Variants in SGCZ observed in about 807,000 individuals in gnomAD.
The protein encoded by SGCZ is zeta-sarcoglycan.
A neutral mutation model predicts 41.3 loss-of-function variants in SGCZ; 40 were observed. The ratio of observed to expected loss-of-function variants is 0.97; its 90% CI spans 0.75 to 1.26. The LOEUF is 1.26. Ranked by LOEUF, SGCZ falls within the 50% of genes most tolerant of loss-of-function variation. The pLI is 0.00. For missense variants in SGCZ, 552 were observed against 369.8 expected (o/e 1.49, Z -4.04); for synonymous variants, 206 against 137.5 (o/e 1.50, Z -3.49).
intron 3 of SGCZ, among the ~76,000 whole-genome samples, chr8:14,253,449 C>G (rs568988005): frequency 6.6e-6 from 1 of 152,192 alleles, no homozygotes; most frequent in African/African-American, 2.4e-5. Context: ...CCTTGAAAGA[C>G]TAGTTGACAT....
chr8:14,185,935 T>C (rs1804888961), intron 4 of SGCZ, among the ~76,000 whole-genome samples: 1 of 152,238 alleles, frequency 6.6e-6, no homozygotes, highest in South Asian at 2.1e-4. Context: ...TGTCCAGTAA[T>C]ATTCACCTTG....
chr8:14,766,793 G>C (rs1326947298), intron 1 of SGCZ, among the ~76,000 whole-genome samples: 3 of 144,508 alleles, frequency 2.1e-5, no homozygotes. Context: ...GCCCAGGCTG[G>C]TCTCCATCTA....
At chr8:15,187,373 C>T (rs1170968961) in intron 1 of SGCZ, among the ~76,000 whole-genome samples, 1 of 152,016 alleles carries the variant, frequency 6.6e-6, no homozygotes, top group Non-Finnish European at 1.5e-5. Context: ...AATACATGTG[C>T]ATGTAATGTG....
intron 1 of SGCZ, among the ~76,000 whole-genome samples, chr8:14,609,440 A>G (rs73664408): frequency 6.6e-6 from 1 of 152,180 alleles, no homozygotes; most frequent in Non-Finnish European, 1.5e-5. Flanking sequence ...ATGTTAGGCA[A>G]GTAATATAAT....
intron 2 of SGCZ, among the ~76,000 whole-genome samples, chr8:14,378,812 G>C (rs1461234323): frequency 6.6e-6 from 1 of 152,104 alleles, no homozygotes; most frequent in Non-Finnish European, 1.5e-5. Context: ...CCCAGAATTG[G>C]TTGATGTGGG....
intron 2 of SGCZ, among the ~76,000 whole-genome samples, chr8:14,466,960 G>GTTT (rs532597363): frequency 4.0e-5 from 6 of 151,472 alleles, no homozygotes; most frequent in Non-Finnish European, 8.8e-5. Context: ...TTCAAGAACA[G>GTTT]TTTTTTTTAT....
chr8:14,801,946 A>G (rs1299370693), intron 1 of SGCZ, among the ~76,000 whole-genome samples: 1 of 152,218 alleles, frequency 6.6e-6, no homozygotes, highest in Non-Finnish European at 1.5e-5. Flanking sequence ...AAGCAGTCCA[A>G]ATATGAGAGA....
intron 4 of SGCZ, among the ~76,000 whole-genome samples, chr8:14,194,684 T>C (rs1328860082): frequency 1.3e-5 from 2 of 151,954 alleles, no homozygotes; most frequent in Admixed American, 6.6e-5. Flanking sequence ...ACAAAATATA[T>C]AATTCTGGTT....
At chr8:14,393,111 CTA>C (rs1246941684) in intron 2 of SGCZ, among the ~76,000 whole-genome samples, 2 of 152,086 alleles carry the variant, frequency 1.3e-5, no homozygotes, top group Non-Finnish European at 2.9e-5. Context: ...AAAAATATAT[CTA>C]TGTTTTCTGA....
chr8:15,119,895 G>A (rs921831605), intron 1 of SGCZ, among the ~76,000 whole-genome samples: 3 of 152,038 alleles, frequency 2.0e-5, no homozygotes, highest in Non-Finnish European at 2.9e-5. Context: ...TTGTGGCCTC[G>A]AACTCCTGAG....
rs114588748 is a variant in SGCZ at position 14,893,556 on chromosome 8, G to T, written c.40-338630C>A. Among the ~76,000 whole-genome samples, 1,190 of 152,226 alleles carry T rather than the reference G, an allele frequency of 7.8e-3. 18 individuals carry two copies. The highest frequency in any genetic ancestry group is 0.027 in the African/African-American group (1,134 of 41,528). ...TATTTTAATGTATGTATGCTAGACT[G>T]TGAATAATTAACAACCAGCTTATTA... On this transcript the variant is annotated intron_variant, in intron 1 of 7. Transcript: ENST00000382080.
chr8:14,546,613 G>A (rs1270106443), intron 2 of SGCZ, among the ~76,000 whole-genome samples: 1 of 152,066 alleles, frequency 6.6e-6, no homozygotes. Context: ...CACTAACTAT[G>A]AGAGATTAGG....
At chr8:14,796,813 C>A (rs972780297) in intron 1 of SGCZ, among the ~76,000 whole-genome samples, 1 of 152,154 alleles carries the variant, frequency 6.6e-6, no homozygotes, top group Non-Finnish European at 1.5e-5. Context: ...GTAACTGAAT[C>A]ATGCGTTGGT....
At chr8:14,520,478 C>T (rs1802755867) in intron 2 of SGCZ, among the ~76,000 whole-genome samples, 1 of 152,126 alleles carries the variant, frequency 6.6e-6, no homozygotes, top group African/African-American at 2.4e-5. Context: ...TCTTGGCATA[C>T]TGCTGGCTTT....
chr8:14,395,367 G>A (rs905768371), intron 2 of SGCZ, among the ~76,000 whole-genome samples: 4 of 152,094 alleles, frequency 2.6e-5, no homozygotes, highest in African/African-American at 9.7e-5. Flanking sequence ...CAAGTTAGCA[G>A]AAGAAAAAAC....
chr8:14,489,281 C>T (rs1435134488), intron 2 of SGCZ, among the ~76,000 whole-genome samples: 2 of 152,056 alleles, frequency 1.3e-5, no homozygotes, highest in African/African-American at 4.8e-5. Context: ...TTACTACATT[C>T]ACTGTGTCTA....
chr8:14,547,879 C>A (rs1585068304), intron 2 of SGCZ, among the ~76,000 whole-genome samples: 1 of 152,124 alleles, frequency 6.6e-6, no homozygotes, highest in South Asian at 2.1e-4. Flanking sequence ...AAATTATAAA[C>A]CCCTTCACTT....
At chr8:14,791,646 G>A (rs1800958005) in intron 1 of SGCZ, among the ~76,000 whole-genome samples, 1 of 152,142 alleles carries the variant, frequency 6.6e-6, no homozygotes, top group Non-Finnish European at 1.5e-5. Context: ...CAAACTTTCT[G>A]TTTAAATAAA....
intron 3 of SGCZ, chr8:14,309,788 T>C (rs775344587): frequency 1.8e-5 from 26 of 1,447,490 alleles, no homozygotes; most frequent in Non-Finnish European, 2.4e-5. Context: ...TTCATTTCCA[T>C]CTAAATGTTA....
Sources: gnomAD v4.1 joint callset for allele counts (sites outside exome capture counted in the v4.1 genomes callset) on GRCh38, gnomAD v4.1.1 for gene constraint, MANE v1.5 for transcripts, NCBI Gene and HGNC (gene_info 2026-07-23, HGNC 2026-07-21) for gene names.